Variants in TENM2 observed in about 807,000 individuals in gnomAD.
TENM2 encodes teneurin-2.
A neutral mutation model predicts 245.2 loss-of-function variants in TENM2; 52 were observed. The ratio of observed to expected loss-of-function variants is 0.21; its 90% CI spans 0.17 to 0.27. TENM2 has a LOEUF of 0.27. Ranked by LOEUF, TENM2 falls within the 10% of genes least tolerant of loss-of-function variation. The pLI, the probability that TENM2 is intolerant of heterozygous loss-of-function variation, is 1.00. For missense variants in TENM2, 3,046 were observed against 3,666.8 expected (o/e 0.83, Z 4.37); for synonymous variants, 1,363 against 1,438.9 (o/e 0.95, Z 1.19).
At chr5:167,954,763 C>T (rs550401051) in intron 4 of TENM2, among the ~76,000 whole-genome samples, 19 of 152,202 alleles carry the variant, frequency 1.2e-4, no homozygotes, top group African/African-American at 2.2e-4. Flanking sequence ...GATGGTTTCC[C>T]GCTTCATTCA....
intron 2 of TENM2, among the ~76,000 whole-genome samples, chr5:167,474,519 C>T (rs1483899365): frequency 1.4e-5 from 2 of 147,562 alleles, no homozygotes; most frequent in South Asian, 2.1e-4. Context: ...AATAAGTAGA[C>T]TTTTTTTTTT....
At chr5:167,149,811 TC>T in the TENM2 span, among the ~76,000 whole-genome samples, 9 of 152,296 alleles carry the variant, frequency 5.9e-5, no homozygotes, top group African/African-American at 1.9e-4. Context: ...ATTATCTTTG[TC>T]CTAATTGCAT....
intron 1 of TENM2, among the ~76,000 whole-genome samples, chr5:167,361,369 G>C (rs768384308): frequency 2.0e-5 from 3 of 152,042 alleles, no homozygotes; most frequent in Non-Finnish European, 4.4e-5. Context: ...TTAAGAATTT[G>C]ATTTATATTT....
chr5:167,256,127 G>T, the TENM2 span, among the ~76,000 whole-genome samples: 1 of 152,108 alleles, frequency 6.6e-6, no homozygotes, highest in Non-Finnish European at 1.5e-5. Flanking sequence ...TGCCCACCCT[G>T]TAAGTGATGA....
intron 5 of TENM2, among the ~76,000 whole-genome samples, chr5:168,021,707 G>C (rs1418845086): frequency 1.3e-5 from 2 of 151,988 alleles, no homozygotes; most frequent in Non-Finnish European, 2.9e-5. Flanking sequence ...GCACTCAGCA[G>C]GTCAAACAAT....
intron 3 of TENM2, among the ~76,000 whole-genome samples, chr5:167,921,759 T>C (rs2151639791): frequency 6.6e-6 from 1 of 152,106 alleles, no homozygotes; most frequent in Non-Finnish European, 1.5e-5. Flanking sequence ...ACAATGAAAA[T>C]CATGGTTAAT....
the TENM2 span, among the ~76,000 whole-genome samples, chr5:166,984,438 T>C: frequency 6.6e-6 from 1 of 152,118 alleles, no homozygotes; most frequent in Non-Finnish European, 1.5e-5. Context: ...ACTCAATATT[T>C]TGACATCTCT....
At chr5:168,098,404 A>T (rs1269037045) in intron 9 of TENM2, among the ~76,000 whole-genome samples, 2 of 152,226 alleles carry the variant, frequency 1.3e-5, no homozygotes, top group Admixed American at 1.3e-4. Flanking sequence ...ATTTCCTGTA[A>T]AAGCAGAAGT....
At chr5:167,538,953 T>C (rs1235957659) in intron 2 of TENM2, among the ~76,000 whole-genome samples, 4 of 152,184 alleles carry the variant, frequency 2.6e-5, no homozygotes, top group Non-Finnish European at 5.9e-5. Flanking sequence ...GTTTTAATCA[T>C]TCCGATCAGC....
At chr5:167,155,885 C>T in the TENM2 span, among the ~76,000 whole-genome samples, 1 of 152,302 alleles carries the variant, frequency 6.6e-6, no homozygotes, top group South Asian at 2.1e-4. Context: ...CAGCGCTGGG[C>T]TTCTCAGGCG....
At chr5:168,123,126 A>G (rs768692171) in intron 10 of TENM2, among the ~76,000 whole-genome samples, 3 of 120,708 alleles carry the variant, frequency 2.5e-5, no homozygotes, top group Non-Finnish European at 5.3e-5. Flanking sequence ...GCAAGACCCC[A>G]TTTCTAGAGA....
chr5:167,734,684 A>G (rs2150569407), intron 2 of TENM2, among the ~76,000 whole-genome samples: 1 of 152,188 alleles, frequency 6.6e-6, no homozygotes, highest in African/African-American at 2.4e-5. Context: ...GGTCTGCATT[A>G]AAGTGGGATG....
rs1434250965 is a variant in TENM2, at chr5:167,513,502, G to A, written c.502+138029G>A. On this transcript the variant is annotated intron_variant, in intron 2 of 28. Coordinates refer to ENST00000518659, the Ensembl canonical transcript of TENM2. ...TGTTTGGTAGGAAACACTTAAATAT[G>A]TAGATCCTCTGTGAAGCCTCATTAC... is the stretch of plus-strand genomic sequence containing the variant. Among the ~76,000 whole-genome samples, 3 of 152,160 alleles carry A rather than the reference G, an allele frequency of 2.0e-5. No individual in the cohort carries two copies. In the South Asian group the frequency reaches 6.2e-4, roughly 31 times the overall value.
the TENM2 span, among the ~76,000 whole-genome samples, chr5:167,272,813 T>A: frequency 1.3e-5 from 2 of 152,102 alleles, no homozygotes. Flanking sequence ...AATGAAACAA[T>A]GCCTGGGGTG....
At chr5:168,126,000 A>G (rs535845513) in intron 11 of TENM2, among the ~76,000 whole-genome samples, 28 of 152,214 alleles carry the variant, frequency 1.8e-4, no homozygotes, top group Non-Finnish European at 3.2e-4. Context: ...CCCTCAATAG[A>G]CTGATGAAAG....
At chr5:167,019,551 A>G in the TENM2 span, among the ~76,000 whole-genome samples, 1 of 151,658 alleles carries the variant, frequency 6.6e-6, no homozygotes, top group Non-Finnish European at 1.5e-5. Context: ...GCTCACTGCA[A>G]CCTCCATCTC....
chr5:167,846,869 A>C (rs1422273429), intron 2 of TENM2, among the ~76,000 whole-genome samples: 1 of 152,180 alleles, frequency 6.6e-6, no homozygotes, highest in East Asian at 1.9e-4. Context: ...TATTCCAAAG[A>C]TCGTTGTGCG....
chr5:167,132,781 T>C, the TENM2 span, among the ~76,000 whole-genome samples: 1 of 152,214 alleles, frequency 6.6e-6, no homozygotes, highest in African/African-American at 2.4e-5. Flanking sequence ...TGGAACAGAA[T>C]ATAAAGTTCA....
intron 2 of TENM2, among the ~76,000 whole-genome samples, chr5:167,585,783 C>A (rs1198794865): frequency 2.0e-5 from 3 of 151,932 alleles, no homozygotes; most frequent in Non-Finnish European, 4.4e-5. Context: ...TTGAGTTCTA[C>A]CTTTATGGAT....
Sources: allele counts gnomAD v4.1 joint callset (sites outside exome capture counted in the v4.1 genomes callset), GRCh38; gene constraint gnomAD v4.1.1; transcripts MANE v1.5; gene names NCBI Gene and HGNC (gene_info 2026-07-23, HGNC 2026-07-21).